The following PDE11A variants were observed in gnomAD, a reference collection of about 807,000 sequenced individuals.
The protein encoded by PDE11A is phosphodiesterase 11A, also known as dual 3',5'-cyclic-AMP and -GMP phosphodiesterase 11A.
A neutral mutation model predicts 100.5 loss-of-function variants in PDE11A; 100 were observed. The observed-to-expected ratio is 1.00, with a 90% confidence interval of 0.85 to 1.18. The LOEUF is 1.18. Ranked by LOEUF, PDE11A falls within the 50% of genes most tolerant of loss-of-function variation. PDE11A has a pLI of 0.00. For synonymous variants in PDE11A, 381 were observed against 420.8 expected (o/e 0.91, Z 1.16); for missense variants, 1,141 against 1,152.6 (o/e 0.99, Z 0.15).
At chr2:177,907,278 T>A (rs2084804473) in intron 2 of PDE11A, among the ~76,000 whole-genome samples, 1 of 152,224 alleles carries the variant, frequency 6.6e-6, no homozygotes, top group African/African-American at 2.4e-5. Context: ...TGGTCTTTTT[T>A]AGTTCTAATC....
chr2:177,767,652 A>G (rs1326164300), intron 10 of PDE11A, among the ~76,000 whole-genome samples: 3 of 152,190 alleles, frequency 2.0e-5, no homozygotes, highest in South Asian at 2.1e-4. Context: ...AGTAAAATTT[A>G]TATGAAATAT....
chr2:178,071,275 C>T (rs1039713599), intron 1 of PDE11A, among the ~76,000 whole-genome samples: 3 of 152,138 alleles, frequency 2.0e-5, no homozygotes, highest in African/African-American at 7.2e-5. Flanking sequence ...GACAAAGTGT[C>T]TTGACAGAGA....
At chr2:177,896,259 C>T (rs189078176) in intron 4 of PDE11A, among the ~76,000 whole-genome samples, 1 of 152,170 alleles carries the variant, frequency 6.6e-6, no homozygotes, top group East Asian at 1.9e-4. Flanking sequence ...CTACTGCTCC[C>T]TCCAGCTCTG....
chr2:177,993,307 C>A (rs2086026805), intron 2 of PDE11A, among the ~76,000 whole-genome samples: 1 of 152,028 alleles, frequency 6.6e-6, no homozygotes, highest in Admixed American at 6.5e-5. Context: ...ATTGTGCAAC[C>A]TGGAGCAAAT....
chr2:177,677,856 T>G (rs1159892453), intron 16 of PDE11A: 4 of 152,182 alleles, frequency 2.6e-5, no homozygotes, highest in Non-Finnish European at 4.4e-5. Flanking sequence ...ATAATTCTAG[T>G]TCAGTTTATA....
At chr2:177,788,611 C>G (rs1467564068) in intron 9 of PDE11A, among the ~76,000 whole-genome samples, 4 of 151,146 alleles carry the variant, frequency 2.6e-5, no homozygotes, top group Admixed American at 6.6e-5. Context: ...CTGGTTTTTT[C>G]AAAGGATCAA....
intron 9 of PDE11A, among the ~76,000 whole-genome samples, chr2:177,775,022 A>G (rs1194238209): frequency 3.9e-5 from 6 of 152,198 alleles, no homozygotes; most frequent in African/African-American, 1.4e-4. Flanking sequence ...AATGTAAGAA[A>G]GACTTGACTA....
intron 5 of PDE11A, among the ~76,000 whole-genome samples, chr2:177,861,409 C>T (rs1057209198): frequency 3.3e-5 from 5 of 151,494 alleles, no homozygotes; most frequent in African/African-American, 4.8e-5. Flanking sequence ...CAAAACATTG[C>T]TGAAAGAAAT....
intron 10 of PDE11A, among the ~76,000 whole-genome samples, chr2:177,752,325 G>C (rs1421468635): frequency 6.6e-6 from 1 of 152,088 alleles, no homozygotes; most frequent in Admixed American, 6.5e-5. Context: ...TAGGTTTCAG[G>C]GTAGACTCTT....
chr2:178,059,697 G>T (rs1332641986), intron 1 of PDE11A, among the ~76,000 whole-genome samples: 1 of 152,174 alleles, frequency 6.6e-6, no homozygotes, highest in East Asian at 1.9e-4. Context: ...TCTGAAGAGT[G>T]AAAACTGAAA....
intron 2 of PDE11A, among the ~76,000 whole-genome samples, chr2:178,087,452 A>G (rs1559067870): frequency 6.6e-6 from 1 of 152,152 alleles, no homozygotes; most frequent in Non-Finnish European, 1.5e-5. Flanking sequence ...ATAAAACTGG[A>G]GGCAATTAAC....
upstream of PDE11A, chr2:178,073,190 A>G (rs753350831): frequency 1.3e-5 from 6 of 459,706 alleles, no homozygotes; most frequent in Non-Finnish European, 1.7e-5. Context: ...GTTCACCCTC[A>G]GAGACAGGCA....
At chr2:177,896,607 C>T (rs2105725545) in intron 4 of PDE11A, among the ~76,000 whole-genome samples, 1 of 152,262 alleles carries the variant, frequency 6.6e-6, no homozygotes, top group East Asian at 1.9e-4. Flanking sequence ...TGAAATCTGC[C>T]AGGTATTAAT....
At chr2:177,683,363 A>T (rs2080893233) in intron 15 of PDE11A, 1 of 152,236 alleles carries the variant, frequency 6.6e-6, no homozygotes, top group Admixed American at 6.5e-5. Flanking sequence ...TTGGGTGGGC[A>T]GGTGTATACA....
intron 2 of PDE11A, chr2:177,998,298 T>G: frequency 1.2e-6 from 1 of 826,804 alleles, no homozygotes; most frequent in South Asian, 1.3e-5. Flanking sequence ...AGTCTTAAGT[T>G]TTGTAGAAAG....
chr2:177,956,571 A>G (rs1179151860), intron 2 of PDE11A, among the ~76,000 whole-genome samples: 2 of 152,246 alleles, frequency 1.3e-5, no homozygotes, highest in African/African-American at 4.8e-5. Flanking sequence ...TATATACCCA[A>G]AGGATTATAA....
chr2:177,855,500 A>G (rs999009655), intron 5 of PDE11A, among the ~76,000 whole-genome samples: 2 of 152,006 alleles, frequency 1.3e-5, no homozygotes, highest in African/African-American at 4.8e-5. Context: ...AATTTACCTT[A>G]TTTGCATCTC....
intron 5 of PDE11A, among the ~76,000 whole-genome samples, chr2:177,855,267 G>A (rs1171007363): frequency 6.6e-6 from 1 of 152,008 alleles, no homozygotes; most frequent in Non-Finnish European, 1.5e-5. Context: ...TGGACATAGA[G>A]AAATAAAAGA....
intron 2 of PDE11A, among the ~76,000 whole-genome samples, chr2:177,917,759 G>T (rs565549072): frequency 1.3e-5 from 2 of 152,224 alleles, no homozygotes; most frequent in South Asian, 4.2e-4. Flanking sequence ...AAACACATGA[G>T]ACCCAGAGGG....
Sources: allele counts gnomAD v4.1 joint callset (sites outside exome capture counted in the v4.1 genomes callset), GRCh38; gene constraint gnomAD v4.1.1; transcripts MANE v1.5; gene names NCBI Gene and HGNC (gene_info 2026-07-23, HGNC 2026-07-21).